Variants in RPGRIP1L observed in about 807,000 individuals in gnomAD.
RPGRIP1L encodes the protein RPGRIP1 like.
In RPGRIP1L, 131 loss-of-function variants were observed where a neutral mutation model predicts 160.4. The ratio of observed to expected loss-of-function variants is 0.82; its 90% CI spans 0.71 to 0.94. RPGRIP1L has a LOEUF of 0.94. RPGRIP1L is among the 40% of genes least tolerant of loss of function. The pLI is 0.00. For missense variants in RPGRIP1L, 1,522 were observed against 1,535.8 expected (o/e 0.99, Z 0.15); for synonymous variants, 510 against 515.8 (o/e 0.99, Z 0.15).
chr16:53,675,126 C>T lies in RPGRIP1L; in HGVS notation c.777-4G>A, dbSNP rs374490708. On this transcript the variant is annotated splice_region_variant and splice_polypyrimidine_tract_variant and intron_variant, in intron 6 of 26. Coordinates refer to ENST00000647211, the MANE Select transcript of RPGRIP1L (RefSeq NM_015272.5). ...TACATTGTCCCGAATATTTGACCTT[C>T]AGAGTTGTGTTTAAGAAAAAGAGAG... 9 of 1,595,794 alleles carry T rather than the reference C, an allele frequency of 5.6e-6. No homozygotes were observed. Among genetic ancestry groups the T allele is most frequent in the Non-Finnish European group, 6.9e-6 (8 of 1,165,322 alleles).
At chr16:53,675,461 T>A (rs554940732) in intron 6 of RPGRIP1L, among the ~76,000 whole-genome samples, 2 of 152,096 alleles carry the variant, frequency 1.3e-5, no homozygotes, top group African/African-American at 4.8e-5. Flanking sequence ...TAGTTTTTAG[T>A]ATAGCAATGG....
intron 24 of RPGRIP1L, among the ~76,000 whole-genome samples, chr16:53,617,342 C>A (rs1347622750): frequency 6.6e-6 from 1 of 152,092 alleles, no homozygotes; most frequent in Non-Finnish European, 1.5e-5. Flanking sequence ...AAGAATAATA[C>A]AAAAGCCAAA....
chr16:53,665,492 T>C (rs1006022014), intron 9 of RPGRIP1L, among the ~76,000 whole-genome samples: 3 of 152,262 alleles, frequency 2.0e-5, no homozygotes, highest in Admixed American at 2.0e-4. Flanking sequence ...TGATAGCATA[T>C]TGAACCACCA....
rs1964778493 is a variant in RPGRIP1L at position 53,622,272 on chromosome 16, G to A, written c.3379C>T (p.Pro1127Ser). 3.0e-6 allele frequency: 2 copies of A among 659,656 alleles called. No individual in the cohort carries two copies. Among genetic ancestry groups the A allele is most frequent in the Admixed American group, 4.3e-5 (2 of 46,718 alleles). 40.9% of individuals were successfully genotyped at this position (659,656 alleles called of 1,614,324 possible). The change falls in exon 23 of 27, where the codon CCT becomes TCT. Residue 1127 changes from proline (P) to serine (S), a missense_variant. Transcript: ENST00000647211. ...NFRLPGSSDFPASASQVDGIT... is the reference protein window; with the variant it reads ...NFRLPGSSDFSASASQVDGIT... ...CCATCTACTTGGGAGGCTGAGGCAGGAAAATCGCTGGAACCCGGGAGGCGG... is the reference window on the plus strand; with the variant it reads ...CCATCTACTTGGGAGGCTGAGGCAGAAAAATCGCTGGAACCCGGGAGGCGG...
chr16:53,644,853 A>G (rs1385792278), intron 17 of RPGRIP1L, among the ~76,000 whole-genome samples: 1 of 152,234 alleles, frequency 6.6e-6, no homozygotes, highest in Non-Finnish European at 1.5e-5. Flanking sequence ...TTCAGGCTGA[A>G]GGAAAGAGAC....
chr16:53,696,428 A>C, intron 2 of RPGRIP1L, 133 bp from the exon 3 acceptor site: 1 of 858,626 alleles, frequency 1.2e-6, no homozygotes, highest in East Asian at 2.5e-5. Context: ...ATTGCTTTAG[A>C]AAATGTTGTA....
rs776444293 is a variant in RPGRIP1L at position 53,645,906 on chromosome 16, T to G, written c.2402A>C (p.His801Pro). ...ELHITIRCCN[H>P]LQSRASHLQP... The stretch of plus-strand genomic sequence containing the variant: ...CAGGTGGCTTGCTCGGGACTGCAGG[T>G]GGTTGCAACATCTTATTGTAATGTG... Residue 801 changes from histidine (H) to proline (P), a missense_variant, in exon 17 of 27, where the codon CAC becomes CCC. Physicochemically the swap from His to Pro is moderately conservative, Grantham distance 77 (BLOSUM62 -2). Coordinates refer to ENST00000647211, the MANE Select transcript of RPGRIP1L (RefSeq NM_015272.5). 9.9e-6 allele frequency: 16 copies of G among 1,614,110 alleles called. No homozygotes were observed. Among genetic ancestry groups the G allele is most frequent in the Non-Finnish European group, 1.4e-5 (16 of 1,180,004 alleles).
chr16:53,668,871 A>G (rs577225941), intron 9 of RPGRIP1L, among the ~76,000 whole-genome samples: 2 of 152,324 alleles, frequency 1.3e-5, no homozygotes, highest in Non-Finnish European at 2.9e-5. Flanking sequence ...ATATTAAAAA[A>G]TGCTCATACT....
chr16:53,645,730 A>G lies in RPGRIP1L; in HGVS notation c.2578T>C (p.Ser860Pro). Residue 860 changes from serine to proline, a missense_variant, in exon 17 of 27, where the codon TCT becomes CCT. Ser to Pro is a moderately conservative substitution (Grantham distance 74). Coordinates refer to ENST00000647211, the MANE Select transcript of RPGRIP1L (RefSeq NM_015272.5). Reference sequence around the variant, plus strand: ...TCATCAAAAACATAAAAACTCAGAGACTCTGACTTAAGGTATCGATCCAAG... The same window carrying G: ...TCATCAAAAACATAAAAACTCAGAGGCTCTGACTTAAGGTATCGATCCAAG... ...MDLDRYLKSESLSFYVFDDSD... is the reference protein window; with the variant it reads ...MDLDRYLKSEPLSFYVFDDSD... 1 of 1,613,934 alleles carries G rather than the reference A, an allele frequency of 6.2e-7. No homozygotes were observed. Among genetic ancestry groups the G allele is most frequent in the South Asian group, 1.1e-5 (1 of 91,058 alleles).
intron 9 of RPGRIP1L, among the ~76,000 whole-genome samples, chr16:53,671,161 G>C (rs1968685586): frequency 6.6e-6 from 1 of 151,852 alleles, no homozygotes; most frequent in Non-Finnish European, 1.5e-5. Flanking sequence ...TCTGCAAAAT[G>C]GGAATTTGTA....
At chr16:53,622,669 T>C (rs1964809398) in intron 22 of RPGRIP1L, among the ~76,000 whole-genome samples, 1 of 152,056 alleles carries the variant, frequency 6.6e-6, no homozygotes, top group South Asian at 2.1e-4. Context: ...TGCTTGTAAA[T>C]TCCAGCACTT....
chr16:53,608,526 A>G (rs1963824520), intron 25 of RPGRIP1L, among the ~76,000 whole-genome samples: 1 of 152,182 alleles, frequency 6.6e-6, no homozygotes, highest in South Asian at 2.1e-4. Context: ...TTGAAGGCAC[A>G]TTTCAATATG....
chr16:53,603,034 C>A (rs1963464278), intron 26 of RPGRIP1L, among the ~76,000 whole-genome samples: 1 of 152,168 alleles, frequency 6.6e-6, no homozygotes, highest in South Asian at 2.1e-4. Context: ...GGAAGAGGGA[C>A]CACTACTTTC....
At chr16:53,653,806 T>A (rs1967010383) in intron 14 of RPGRIP1L, among the ~76,000 whole-genome samples, 1 of 152,230 alleles carries the variant, frequency 6.6e-6, no homozygotes, top group Non-Finnish European at 1.5e-5. Flanking sequence ...CTTTTATGAC[T>A]TTTGTCATTA....
intron 4 of RPGRIP1L, among the ~76,000 whole-genome samples, chr16:53,688,202 C>T (rs1409179722): frequency 2.0e-5 from 3 of 151,962 alleles, no homozygotes; most frequent in Non-Finnish European, 4.4e-5. Context: ...CTGTAGAAAT[C>T]AAATTACCTA....
chr16:53,663,813 C>T (rs1448259089), intron 10 of RPGRIP1L, among the ~76,000 whole-genome samples: 3 of 152,064 alleles, frequency 2.0e-5, no homozygotes, highest in Non-Finnish European at 4.4e-5. Context: ...GTTCCAATTT[C>T]AGACTTGCTA....
Position 53,659,051 on chromosome 16 carries a change from A to T in RPGRIP1L, c.1244-173T>A, listed in dbSNP as rs149754212. ...ACAGCAGGGGAATGAGGAATAAATGAACACTATCATGTGTCTACCATATGA... is the reference window on the plus strand; with the variant it reads ...ACAGCAGGGGAATGAGGAATAAATGTACACTATCATGTGTCTACCATATGA... On this transcript the variant is annotated intron_variant, in intron 10 of 26. Transcript: ENST00000647211. 677 of 653,906 alleles carry T rather than the reference A, an allele frequency of 1.0e-3. 5 individuals are homozygous for T. The African/African-American group carries it at 0.011, about 11-fold the overall frequency. 40.5% of individuals were successfully genotyped at this position (653,906 alleles called of 1,614,324 possible).
intron 24 of RPGRIP1L, among the ~76,000 whole-genome samples, chr16:53,618,306 C>T (rs1172616126): frequency 6.6e-6 from 1 of 152,182 alleles, no homozygotes; most frequent in Non-Finnish European, 1.5e-5. Flanking sequence ...ATTGTAAAAA[C>T]ATCCATGTGA....
At position 53,675,096 on chromosome 16, in the gene RPGRIP1L, A is replaced by T. The variant is rs779001013; in HGVS notation, c.803T>A (p.Met268Lys). 1 of 1,611,402 alleles carries T rather than the reference A, an allele frequency of 6.2e-7. No individual in the cohort carries two copies. Among genetic ancestry groups the T allele is most frequent in the Admixed American group, 1.7e-5 (1 of 59,968 alleles). Reference sequence around the variant, plus strand: ...TACTAGCTGTTTATGAAGCTTAATCATTTCTACATTGTCCCGAATATTTGA... The same window carrying T: ...TACTAGCTGTTTATGAAGCTTAATCTTTTCTACATTGTCCCGAATATTTGA... ...QRSNIRDNVE[M>K]IKLHKQLVEK... is the part of the protein sequence containing the mutation. The change falls in exon 7 of 27, where the codon ATG becomes AAG. Residue 268 changes from methionine (M) to lysine (K), a missense_variant. Coordinates refer to ENST00000647211, the MANE Select transcript of RPGRIP1L (RefSeq NM_015272.5).
Sources: gnomAD v4.1 joint callset for allele counts (sites outside exome capture counted in the v4.1 genomes callset) on GRCh38, gnomAD v4.1.1 for gene constraint, MANE v1.5 for transcripts, NCBI Gene and HGNC (gene_info 2026-07-23, HGNC 2026-07-21) for gene names.